FUT8: variants seen among roughly 807,000 people sequenced by gnomAD.
FUT8 encodes the protein alpha-(1,6)-fucosyltransferase.
FUT8 carries 29 observed loss-of-function variants against 71.3 expected under a neutral mutation model. That is an observed-to-expected ratio of 0.41 (90% CI 0.30 to 0.55). The LOEUF is 0.55. Ranked by LOEUF, FUT8 falls within the 20% of genes least tolerant of loss-of-function variation. FUT8 has a pLI of 0.34. For synonymous variants in FUT8, 254 were observed against 239.3 expected, an observed-to-expected ratio of 1.06 and a Z score of -0.57; for missense variants, 544 against 702.1, an observed-to-expected ratio of 0.77 and a Z score of 2.55.
At chr14:65,637,900 C>T (rs1010437275) in intron 6 of FUT8, among the ~76,000 whole-genome samples, 4 of 152,124 alleles carry the variant, frequency 2.6e-5, no homozygotes, top group Non-Finnish European at 5.9e-5. Flanking sequence ...GTTGCATCTG[C>T]CCACGCTTGG....
intron 1 of FUT8, among the ~76,000 whole-genome samples, chr14:65,427,864 C>G (rs890232140): frequency 6.6e-6 from 1 of 152,190 alleles, no homozygotes; most frequent in Non-Finnish European, 1.5e-5. Context: ...CAGGCAACCA[C>G]TGATCTGCTT....
intron 5 of FUT8, among the ~76,000 whole-genome samples, chr14:65,621,805 C>T (rs956381599): frequency 1.1e-4 from 16 of 150,912 alleles, no homozygotes; most frequent in Non-Finnish European, 4.4e-5. Flanking sequence ...AGGTGATCCG[C>T]CCACCTTGGC....
At chr14:65,520,804 A>G (rs1272964008) in intron 2 of FUT8, among the ~76,000 whole-genome samples, 1 of 152,108 alleles carries the variant, frequency 6.6e-6, no homozygotes, top group Admixed American at 6.5e-5. Context: ...TATTTTTCAG[A>G]CCACACAGTC....
intron 7 of FUT8, among the ~76,000 whole-genome samples, chr14:65,692,798 C>T (rs1893744649): frequency 6.6e-6 from 1 of 151,090 alleles, no homozygotes; most frequent in South Asian, 2.1e-4. Context: ...GAGGGGGCGG[C>T]CGGGCAGAGA....
At chr14:65,371,433 T>C in the FUT8 span, among the ~76,000 whole-genome samples, 1 of 152,278 alleles carries the variant, frequency 6.6e-6, no homozygotes, top group Non-Finnish European at 1.5e-5. Context: ...TTAGTAGTTG[T>C]CTCAATAATG....
chr14:65,519,231 A>C (rs10146179), intron 2 of FUT8, among the ~76,000 whole-genome samples: 9,540 of 152,208 alleles, frequency 0.063, 536 homozygotes, highest in South Asian at 0.2. Context: ...AATGGAAACA[A>C]ACTGTTTATT....
At chr14:65,505,754 A>G (rs886239516) in intron 2 of FUT8, among the ~76,000 whole-genome samples, 7 of 151,528 alleles carry the variant, frequency 4.6e-5, no homozygotes, top group African/African-American at 1.5e-4. Context: ...TTCTCATTTG[A>G]CTTTTTTTTG....
chr14:65,708,686 G>A (rs1894674189), intron 7 of FUT8, among the ~76,000 whole-genome samples: 1 of 151,742 alleles, frequency 6.6e-6, no homozygotes, highest in Non-Finnish European at 1.5e-5. Context: ...TATTGATTTT[G>A]TAACGTGCAA....
intron 6 of FUT8, among the ~76,000 whole-genome samples, chr14:65,634,434 T>C (rs541550651): frequency 1.8e-3 from 268 of 152,254 alleles, no homozygotes; most frequent in African/African-American, 5.8e-3. Flanking sequence ...TGCGGAAGGC[T>C]GCAGGGTCCT....
intron 2 of FUT8, among the ~76,000 whole-genome samples, chr14:65,542,393 A>G (rs1041851573): frequency 6.6e-6 from 1 of 152,152 alleles, no homozygotes; most frequent in African/African-American, 2.4e-5. Context: ...CTAACTGTTC[A>G]CCTAACATAT....
Position 65,742,620 on chromosome 14 carries a change from T to G in FUT8, c.*210T>G. On this transcript the variant is annotated 3_prime_UTR_variant, in exon 11 of 11. Coordinates refer to ENST00000673929, the MANE Select transcript of FUT8 (RefSeq NM_001371533.1). Reference sequence around the variant, plus strand: ...AAGGGCTGCAATGCCCTCATACCCATGCACAGTACAATAATGTACTCACAT... The same window carrying G: ...AAGGGCTGCAATGCCCTCATACCCAGGCACAGTACAATAATGTACTCACAT... The G allele has an allele frequency of 1.8e-6, 1 of 559,910 alleles. No individual in the cohort carries two copies. Among genetic ancestry groups the G allele is most frequent in the African/African-American group, 1.9e-5 (1 of 53,182 alleles). 34.7% of individuals were successfully genotyped at this position (559,910 alleles called of 1,614,324 possible).
At chr14:65,523,232 C>T (rs1463555141) in intron 2 of FUT8, among the ~76,000 whole-genome samples, 1 of 152,126 alleles carries the variant, frequency 6.6e-6, no homozygotes, top group Non-Finnish European at 1.5e-5. Flanking sequence ...CTCTCCAGCA[C>T]CTGTTGTTTC....
At chr14:65,442,370 A>G (rs1284655602) in intron 1 of FUT8, among the ~76,000 whole-genome samples, 1 of 151,434 alleles carries the variant, frequency 6.6e-6, no homozygotes, top group Non-Finnish European at 1.5e-5. Flanking sequence ...TTTAGTAGAG[A>G]CATGTCGGCC....
chr14:65,465,809 G>A (rs184621922), intron 2 of FUT8, among the ~76,000 whole-genome samples: 1 of 152,282 alleles, frequency 6.6e-6, no homozygotes, highest in African/African-American at 2.4e-5. Context: ...GGTGTCATCA[G>A]TTCTATGATA....
chr14:65,587,045 C>T (rs993568970), intron 3 of FUT8, among the ~76,000 whole-genome samples: 22 of 151,932 alleles, frequency 1.4e-4, no homozygotes, highest in Admixed American at 7.9e-4. Context: ...AAAAGTCAGC[C>T]GGGCATGGTG....
chr14:65,726,668 T>G (rs1594941895), intron 9 of FUT8, among the ~76,000 whole-genome samples: 1 of 152,070 alleles, frequency 6.6e-6, no homozygotes, highest in Non-Finnish European at 1.5e-5. Context: ...ACCATATCAT[T>G]CCACCCCTGG....
At chr14:65,410,484 C>A (rs1350358529), upstream of FUT8, 2 of 151,400 alleles carry the variant, frequency 1.3e-5, no homozygotes, top group Middle Eastern at 3.2e-3. Flanking sequence ...TGAGTGTATT[C>A]AAGAGATACC....
intron 7 of FUT8, among the ~76,000 whole-genome samples, chr14:65,684,466 A>G (rs1374298099): frequency 6.6e-6 from 1 of 152,226 alleles, no homozygotes; most frequent in Non-Finnish European, 1.5e-5. Context: ...TGAACCCTCT[A>G]TCTACTCATG....
the FUT8 span, among the ~76,000 whole-genome samples, chr14:65,367,149 CAT>C: frequency 2.0e-5 from 3 of 152,164 alleles, no homozygotes; most frequent in Non-Finnish European, 2.9e-5. Flanking sequence ...CTCGTTTCTA[CAT>C]TACAGAAAGT....
Sources: allele counts gnomAD v4.1 joint callset (sites outside exome capture counted in the v4.1 genomes callset), GRCh38; gene constraint gnomAD v4.1.1; transcripts MANE v1.5; gene names NCBI Gene and HGNC (gene_info 2026-07-23, HGNC 2026-07-21).